Variants in ERC1 observed in about 807,000 individuals in gnomAD.
The protein encoded by ERC1 is ELKS/RAB6-interacting/CAST family member 1, also known as RAB6 interacting protein 2.
In ERC1, 56 loss-of-function variants were observed where a neutral mutation model predicts 132.0. The ratio of observed to expected loss-of-function variants is 0.42; its 90% CI spans 0.34 to 0.53. The LOEUF (loss-of-function observed/expected upper bound fraction) is 0.53, where lower values mean the gene tolerates loss of function less well. Among genes scored for constraint, ERC1 ranks in the 20% least tolerant of loss-of-function variants. ERC1 has a pLI of 0.03. For missense variants in ERC1, 1,202 were observed against 1,349.9 expected (o/e 0.89, Z 1.72); for synonymous variants, 478 against 476.1 (o/e 1.00, Z -0.05).
intron 11 of ERC1, among the ~76,000 whole-genome samples, chr12:1,187,167 C>T (rs1232524514): frequency 6.6e-6 from 1 of 151,992 alleles, no homozygotes; most frequent in African/African-American, 2.4e-5. Context: ...GTTTATAACA[C>T]TGATTTGAAA....
intron 14 of ERC1, among the ~76,000 whole-genome samples, chr12:1,288,572 G>A (rs2079194685): frequency 1.3e-5 from 2 of 152,172 alleles, no homozygotes; most frequent in African/African-American, 4.8e-5. Context: ...CAATCAACGT[G>A]GAAACTTTGT....
intron 17 of ERC1, among the ~76,000 whole-genome samples, chr12:1,425,200 A>G (rs1565412581): frequency 6.6e-6 from 1 of 152,208 alleles, no homozygotes; most frequent in African/African-American, 2.4e-5. Flanking sequence ...GCTTCCTGGA[A>G]CATAAAGCAC....
At chr12:1,055,287 C>A (rs1972746403) in intron 2 of ERC1, among the ~76,000 whole-genome samples, 1 of 152,232 alleles carries the variant, frequency 6.6e-6, no homozygotes, top group Admixed American at 6.5e-5. Context: ...TCAAGCAATT[C>A]TTGTGCCTCA....
In ERC1 at chr12:1,262,903, G is replaced by A. The variant is rs998351600; in HGVS notation, c.2488-131G>A. 107 of 817,958 alleles carry A rather than the reference G, an allele frequency of 1.3e-4. 2 individuals are homozygous for A. The highest frequency in any genetic ancestry group is 1.9e-4 in the Admixed American group (7 of 36,574). 50.7% of individuals were successfully genotyped at this position (817,958 alleles called of 1,614,324 possible). Reference sequence around the variant, plus strand: ...CTTTCTTTATTGTGTCCTCTGTGACGATATCTTGTTGACCTGGATTTGCTT... The same window carrying A: ...CTTTCTTTATTGTGTCCTCTGTGACAATATCTTGTTGACCTGGATTTGCTT... On this transcript the variant is annotated intron_variant, in intron 13 of 18. Transcript: ENST00000360905.
At chr12:1,419,811 G>A (rs1469233028) in intron 17 of ERC1, among the ~76,000 whole-genome samples, 3 of 149,458 alleles carry the variant, frequency 2.0e-5, no homozygotes, top group Non-Finnish European at 4.4e-5. Context: ...TGTGTATTTT[G>A]CTACAATTTT....
At chr12:1,433,663 T>G (rs1565429075) in intron 17 of ERC1, among the ~76,000 whole-genome samples, 1 of 152,188 alleles carries the variant, frequency 6.6e-6, no homozygotes, top group African/African-American at 2.4e-5. Flanking sequence ...ATCTTATTGC[T>G]TAAACGAACA....
At chr12:1,180,382 C>G (rs1954310124) in intron 8 of ERC1, among the ~76,000 whole-genome samples, 158 bp from the exon 9 acceptor site, 1 of 151,984 alleles carries the variant, frequency 6.6e-6, no homozygotes, top group Admixed American at 6.6e-5. Context: ...TAAGGTTTTG[C>G]ATGTAATTCT....
At chr12:1,080,045 C>G (rs1472571065) in intron 2 of ERC1, among the ~76,000 whole-genome samples, 1 of 152,182 alleles carries the variant, frequency 6.6e-6, no homozygotes, top group Non-Finnish European at 1.5e-5. Context: ...GAAGGTGCAT[C>G]TTACAATAGT....
chr12:1,418,645 C>CT (rs2092276242), intron 17 of ERC1, among the ~76,000 whole-genome samples: 3 of 128,328 alleles, frequency 2.3e-5, no homozygotes, highest in African/African-American at 8.9e-5. Flanking sequence ...CTTTCTTTCT[C>CT]TCTCTCTCTC....
chr12:1,191,380 G>T (rs1343589506), intron 12 of ERC1, among the ~76,000 whole-genome samples: 1 of 152,050 alleles, frequency 6.6e-6, no homozygotes, highest in Non-Finnish European at 1.5e-5. Context: ...TTTTGGAAAG[G>T]CTTGAAATCT....
chr12:1,375,464 G>A (rs529953016), intron 16 of ERC1, among the ~76,000 whole-genome samples: 2 of 152,292 alleles, frequency 1.3e-5, no homozygotes, highest in South Asian at 2.1e-4. Context: ...ATCGTATCAC[G>A]TTCTGTAGAA....
chr12:1,373,388 C>G (rs2087478416), intron 16 of ERC1, among the ~76,000 whole-genome samples: 1 of 152,170 alleles, frequency 6.6e-6, no homozygotes, highest in African/African-American at 2.4e-5. Context: ...CTTAAGACAC[C>G]AAATAGAATT....
intron 18 of ERC1, among the ~76,000 whole-genome samples, chr12:1,473,649 A>T (rs63485460): frequency 7.2e-6 from 1 of 139,664 alleles, no homozygotes; most frequent in Non-Finnish European, 1.6e-5. Flanking sequence ...AAAAAAAAAA[A>T]GGACAGGGAG....
At chr12:1,079,134 T>A (rs1941819602) in intron 2 of ERC1, among the ~76,000 whole-genome samples, 1 of 142,438 alleles carries the variant, frequency 7.0e-6, no homozygotes, top group Non-Finnish European at 1.6e-5. Context: ...TAGAAATGAT[T>A]TGTAATATGA....
rs35902573 is a variant in ERC1 at position 1,341,069 on chromosome 12, C to CTTTTTTTTTTTTTT, written c.2781-30735_2781-30722dup. ...AATGTCCACTTATTCTTTTCTTTTT[C>CTTTTTTTTTTTTTT]TTTTTTTTTTTTTTTTTTTTTTTTT... is the stretch of plus-strand genomic sequence containing the variant. On this transcript the variant is annotated intron_variant, in intron 15 of 18. Transcript: ENST00000360905. Among the ~76,000 whole-genome samples the CTTTTTTTTTTTTTT allele has an allele frequency of 1.7e-3, 110 of 63,136 alleles. 20 individuals are homozygous for CTTTTTTTTTTTTTT. Among genetic ancestry groups the CTTTTTTTTTTTTTT allele is most frequent in the East Asian group, 6.6e-3 (9 of 1,372 alleles). 41.4% of individuals were successfully genotyped at this position (63,136 alleles called of 152,430 possible).
Position 1,139,513 on chromosome 12 carries a change from G to A in ERC1, c.1570-2107G>A, listed in dbSNP as rs538355418. Reference sequence around the variant, plus strand: ...TTATTATGTAATAGGTATGTATATAGAGGAAAAGCATAGTGTGTATAGGGT... The same window carrying A: ...TTATTATGTAATAGGTATGTATATAAAGGAAAAGCATAGTGTGTATAGGGT... On this transcript the variant is annotated intron_variant, in intron 7 of 18. Coordinates refer to ENST00000360905, the MANE Select transcript of ERC1 (RefSeq NM_178040.4). 2.6e-5 allele frequency among the ~76,000 whole-genome samples: 4 copies of A among 152,258 alleles called. No individual in the cohort carries two copies. The South Asian group carries it at 8.3e-4, about 32-fold the overall frequency.
intron 17 of ERC1, among the ~76,000 whole-genome samples, chr12:1,411,661 A>G (rs1009685225): frequency 6.6e-6 from 1 of 152,320 alleles, no homozygotes; most frequent in East Asian, 1.9e-4. Context: ...ATTTGTCATC[A>G]TCAAGCATGT....
At chr12:1,360,230 G>A (rs2154370229) in intron 15 of ERC1, among the ~76,000 whole-genome samples, 1 of 152,278 alleles carries the variant, frequency 6.6e-6, no homozygotes, top group African/African-American at 2.4e-5. Flanking sequence ...AAGTAAAGAA[G>A]CTTAGAATAT....
chr12:1,121,825 G>A (rs551635427), intron 7 of ERC1, among the ~76,000 whole-genome samples: 5 of 23,934 alleles, frequency 2.1e-4, no homozygotes, highest in African/African-American at 9.2e-4. Context: ...CTCTATCTGT[G>A]TCTCTATCTC....
Sources: gnomAD v4.1 joint callset for allele counts (sites outside exome capture counted in the v4.1 genomes callset) on GRCh38, gnomAD v4.1.1 for gene constraint, MANE v1.5 for transcripts, NCBI Gene and HGNC (gene_info 2026-07-23, HGNC 2026-07-21) for gene names.